Variants in CNTLN observed in about 807,000 individuals in gnomAD.
CNTLN encodes centlein, also known as centlein, centrosomal protein.
CNTLN carries 212 observed loss-of-function variants against 180.0 expected under a neutral mutation model. That is an observed-to-expected ratio of 1.18 (90% CI 1.05 to 1.32). The LOEUF (loss-of-function observed/expected upper bound fraction) is 1.32. Ranked by LOEUF, CNTLN falls within the 40% of genes most tolerant of loss-of-function variation. CNTLN has a pLI of 0.00. For missense variants in CNTLN, 2,095 were observed against 1,610.9 expected, an observed-to-expected ratio of 1.30 and a Z score of -5.14; for synonymous variants, 722 against 563.1, an observed-to-expected ratio of 1.28 and a Z score of -3.99.
chr9:17,518,650 T>C, the CNTLN span, among the ~76,000 whole-genome samples: 9 of 152,228 alleles, frequency 5.9e-5, no homozygotes, highest in Admixed American at 5.9e-4. Context: ...ATTATACTTC[T>C]ATACCTGCTC....
rs557380843 is a variant in CNTLN, at chr9:17,488,920, A to G, written c.4119+1854A>G. ...GCTGTTATACGTAATGAACTGCATC[A>G]TGTGCCTTTAGATCATTTTTCAAGC... On this transcript the variant is annotated intron_variant, in intron 25 of 25. Transcript: ENST00000380647. Among the ~76,000 whole-genome samples the G allele has an allele frequency of 2.2e-4, 34 of 152,260 alleles. 1 individual carries two copies. In the South Asian group the frequency reaches 5.2e-3, roughly 23 times the overall value.
chr9:17,309,121 A>C lies in CNTLN; in HGVS notation c.1210A>C (p.Ser404Arg), dbSNP rs1252310417. The C allele has an allele frequency of 1.6e-5, 26 of 1,609,306 alleles. No homozygotes were observed. Among genetic ancestry groups the C allele is most frequent in the Non-Finnish European group, 2.1e-5 (25 of 1,178,002 alleles). ...TKSNEAMLRQSVTNLQDQLLQ... is the reference protein window; with the variant it reads ...TKSNEAMLRQRVTNLQDQLLQ... The stretch of plus-strand genomic sequence containing the variant: ...ATCAAATGAAGCTATGCTCCGGCAA[A>C]GTGTTACTAATCTTCAGGATCAGCT... Residue 404 changes from serine to arginine, a missense_variant, in exon 8 of 26, where the codon AGT (serine) becomes CGT (arginine). Coordinates refer to ENST00000380647, the MANE Select transcript of CNTLN (RefSeq NM_017738.4).
At chr9:17,476,520 A>C (rs1832357030) in intron 23 of CNTLN, among the ~76,000 whole-genome samples, 1 of 152,250 alleles carries the variant, frequency 6.6e-6, no homozygotes, top group South Asian at 2.1e-4. Context: ...GCAAAGGAAA[A>C]GCTACTGAAG....
At chr9:17,142,083 G>GAA (rs1180057903) in intron 1 of CNTLN, among the ~76,000 whole-genome samples, 5 of 57,660 alleles carry the variant, frequency 8.7e-5, no homozygotes, top group African/African-American at 1.3e-4. Context: ...CTCTGTCTCA[G>GAA]AAAAAAAAAA....
At chr9:17,189,199 C>T (rs981541901) in intron 2 of CNTLN, among the ~76,000 whole-genome samples, 1 of 148,246 alleles carries the variant, frequency 6.7e-6, no homozygotes, top group African/African-American at 2.5e-5. Flanking sequence ...TCTCCTGCCT[C>T]AGCTTCTGGA....
intron 6 of CNTLN, among the ~76,000 whole-genome samples, chr9:17,282,419 C>A (rs1404277377): frequency 6.6e-6 from 1 of 152,094 alleles, no homozygotes; most frequent in Non-Finnish European, 1.5e-5. Context: ...GTCCTTTGCC[C>A]ACTTTTTAAA....
intron 2 of CNTLN, among the ~76,000 whole-genome samples, chr9:17,175,390 T>G (rs1820659158): frequency 6.6e-6 from 1 of 152,182 alleles, no homozygotes; most frequent in African/African-American, 2.4e-5. Flanking sequence ...TAGCACAATT[T>G]GTTAAAAGTA....
intron 23 of CNTLN, among the ~76,000 whole-genome samples, chr9:17,473,889 C>G (rs1016952060): frequency 6.6e-6 from 1 of 152,186 alleles, no homozygotes; most frequent in African/African-American, 2.4e-5. Flanking sequence ...CATTTGATAT[C>G]GTTGATCACT....
In CNTLN at chr9:17,135,337, G is replaced by C; in HGVS notation, c.272G>C (p.Gly91Ala). 1 of 1,601,924 alleles carries C rather than the reference G, an allele frequency of 6.2e-7. No individual in the cohort carries two copies. The highest frequency in any genetic ancestry group is 8.5e-7 in the Non-Finnish European group (1 of 1,175,036). Residue 91 changes from glycine (G) to alanine (A), a missense_variant, in exon 1 of 26, where the codon GGC becomes GCC. Gly to Ala is a moderately conservative substitution (Grantham distance 60, BLOSUM62 0). Coordinates refer to ENST00000380647, the MANE Select transcript of CNTLN (RefSeq NM_017738.4). Reference sequence around the variant, plus strand: ...CCCATGGGGTCCAGACGGCTAGAGGGCATCTCGGTAGAGGAGGCGATGGTG... The same window carrying C: ...CCCATGGGGTCCAGACGGCTAGAGGCCATCTCGGTAGAGGAGGCGATGGTG... ...SAPMGSRRLE[G>A]ISVEEAMVTR...
intron 8 of CNTLN, among the ~76,000 whole-genome samples, chr9:17,319,749 C>T (rs1819777792): frequency 6.6e-6 from 1 of 152,042 alleles, no homozygotes; most frequent in Non-Finnish European, 1.5e-5. Context: ...AATGTTAGCT[C>T]TTAATTTATT....
intron 18 of CNTLN, among the ~76,000 whole-genome samples, chr9:17,419,224 G>A (rs1828507553): frequency 6.6e-6 from 1 of 152,080 alleles, no homozygotes; most frequent in Non-Finnish European, 1.5e-5. Flanking sequence ...AAATGGCAAA[G>A]ATTTGTGATT....
At chr9:17,419,549 T>C (rs1389747431) in intron 18 of CNTLN, among the ~76,000 whole-genome samples, 4 of 152,096 alleles carry the variant, frequency 2.6e-5, no homozygotes, top group Non-Finnish European at 5.9e-5. Flanking sequence ...ACTATTTAAT[T>C]TAGACAAAAA....
At chr9:17,303,237 G>C (rs1818490516) in intron 7 of CNTLN, among the ~76,000 whole-genome samples, 1 of 152,044 alleles carries the variant, frequency 6.6e-6, no homozygotes, top group Non-Finnish European at 1.5e-5. Context: ...GGAAAGGTGA[G>C]GTCTTATCCC....
At chr9:17,196,535 T>A (rs6475115) in intron 2 of CNTLN, among the ~76,000 whole-genome samples, 39,348 of 151,848 alleles carry the variant, frequency 0.26, 6,476 homozygotes, top group African/African-American at 0.46. Flanking sequence ...TTATTAGGAG[T>A]TATGTAAGGA....
At chr9:17,339,820 A>G (rs989334729) in intron 10 of CNTLN, among the ~76,000 whole-genome samples, 2 of 152,174 alleles carry the variant, frequency 1.3e-5, no homozygotes, top group Non-Finnish European at 1.5e-5. Flanking sequence ...TTTTATATAT[A>G]TCTAAAAATG....
At chr9:17,190,327 C>G (rs1449204774) in intron 2 of CNTLN, among the ~76,000 whole-genome samples, 1 of 151,710 alleles carries the variant, frequency 6.6e-6, no homozygotes, top group Non-Finnish European at 1.5e-5. Flanking sequence ...TCCCTTATGA[C>G]TAGAAGTTAA....
At chr9:17,388,816 A>G (rs1475618832) in intron 14 of CNTLN, among the ~76,000 whole-genome samples, 1 of 48,228 alleles carries the variant, frequency 2.1e-5, no homozygotes, top group African/African-American at 4.9e-5. Flanking sequence ...CATGTCTATC[A>G]TTAATAGTAA....
At chr9:17,205,706 T>C (rs1406119504) in intron 2 of CNTLN, among the ~76,000 whole-genome samples, 1 of 152,170 alleles carries the variant, frequency 6.6e-6, no homozygotes, top group Non-Finnish European at 1.5e-5. Context: ...GATGCCCCAA[T>C]GGCAACAAAA....
At chr9:17,290,911 C>G (rs1470570937) in intron 6 of CNTLN, among the ~76,000 whole-genome samples, 2 of 152,196 alleles carry the variant, frequency 1.3e-5, no homozygotes, top group Admixed American at 6.5e-5. Context: ...CACTGTCTGG[C>G]ACTCCCTAGT....
Sources: allele counts gnomAD v4.1 joint callset (sites outside exome capture counted in the v4.1 genomes callset), GRCh38; gene constraint gnomAD v4.1.1; transcripts MANE v1.5; gene names NCBI Gene and HGNC (gene_info 2026-07-23, HGNC 2026-07-21).